Variants in KIF2A observed in about 807,000 individuals in gnomAD.
KIF2A encodes the protein kinesin-like protein KIF2A.
Under a neutral mutation model 100.2 loss-of-function variants are expected in KIF2A, and 22 were observed. That is an observed-to-expected ratio of 0.22 (90% confidence interval 0.16 to 0.31). KIF2A has a LOEUF of 0.31. Among genes scored for constraint, KIF2A ranks in the 10% least tolerant of loss-of-function variants. KIF2A has a pLI of 1.00. For missense variants in KIF2A, 495 were observed against 898.7 expected (o/e 0.55, Z 5.74); for synonymous variants, 268 against 285.9 (o/e 0.94, Z 0.63).
intron 1 of KIF2A, among the ~76,000 whole-genome samples, chr5:62,313,070 A>G (rs1398966654): frequency 6.6e-6 from 1 of 152,074 alleles, no homozygotes; most frequent in African/African-American, 2.4e-5. Context: ...GCTATATATC[A>G]GGCATTCTGA....
chr5:62,380,948 A>G (rs1208983828), intron 19 of KIF2A, among the ~76,000 whole-genome samples, 170 bp from the exon 20 acceptor site: 3 of 152,238 alleles, frequency 2.0e-5, no homozygotes, highest in Non-Finnish European at 2.9e-5. Flanking sequence ...ATGTTGTTCC[A>G]GAGTCAACTG....
chr5:62,339,921 G>A (rs896107702), intron 1 of KIF2A, among the ~76,000 whole-genome samples: 1 of 150,236 alleles, frequency 6.7e-6, no homozygotes, highest in Non-Finnish European at 1.5e-5. Flanking sequence ...AAATATCTGG[G>A]TAGTTACTTT....
chr5:62,321,200 A>G (rs1346725946), intron 1 of KIF2A, among the ~76,000 whole-genome samples: 1 of 152,202 alleles, frequency 6.6e-6, no homozygotes, highest in South Asian at 2.1e-4. Context: ...TTTTTTGGCC[A>G]TTATGAATAC....
intron 18 of KIF2A, among the ~76,000 whole-genome samples, chr5:62,374,364 CAG>C (rs1156700342): frequency 1.3e-5 from 2 of 152,172 alleles, no homozygotes; most frequent in Non-Finnish European, 2.9e-5. Context: ...ACAGCAGTAA[CAG>C]AGACTGTTTG....
intron 1 of KIF2A, chr5:62,308,176 C>A: frequency 2.9e-6 from 1 of 341,136 alleles, no homozygotes; most frequent in Non-Finnish European, 5.4e-6. Context: ...ATAAATTATA[C>A]CGCTTAGAGC....
chr5:62,367,439 G>A lies in KIF2A; in HGVS notation c.1646+958G>A, dbSNP rs1741128383. On this transcript the variant is annotated intron_variant, in intron 16 of 20. Coordinates refer to ENST00000407818, the MANE Select transcript of KIF2A (RefSeq NM_001098511.3). The stretch of plus-strand genomic sequence containing the variant: ...GTACCACCATACCCGGCTAATTTTT[G>A]TATTTTTAGTAGAGGCAGGGTTTCA... 2.0e-5 allele frequency among the ~76,000 whole-genome samples: 3 copies of A among 152,084 alleles called. 1 individual carries two copies. In the South Asian group the frequency reaches 6.2e-4, roughly 32 times the overall value.
intron 19 of KIF2A, among the ~76,000 whole-genome samples, chr5:62,378,323 TA>T (rs1424995624): frequency 6.6e-6 from 1 of 152,158 alleles, no homozygotes; most frequent in Non-Finnish European, 1.5e-5. Context: ...CCCCTTTTTT[TA>T]AACAAGAAAA....
At chr5:62,336,461 G>A (rs1277159087) in intron 1 of KIF2A, among the ~76,000 whole-genome samples, 1 of 152,162 alleles carries the variant, frequency 6.6e-6, no homozygotes, top group African/African-American at 2.4e-5. Context: ...GTTCTGATTG[G>A]TCAGTTATCT....
At chr5:62,382,634 GTT>G (rs35714674) in intron 20 of KIF2A, among the ~76,000 whole-genome samples, 5 of 134,776 alleles carry the variant, frequency 3.7e-5, no homozygotes, top group Admixed American at 7.6e-5. Flanking sequence ...CAGGTTTCAG[GTT>G]TTTTTTTTTT....
intron 14 of KIF2A, among the ~76,000 whole-genome samples, chr5:62,364,321 T>C (rs367588734): frequency 3.3e-5 from 5 of 152,162 alleles, no homozygotes; most frequent in East Asian, 1.9e-4. Context: ...CTAATTTTTG[T>C]ATTTTTAGTA....
chr5:62,378,658 C>T (rs1021380968), intron 19 of KIF2A, among the ~76,000 whole-genome samples: 17 of 152,222 alleles, frequency 1.1e-4, no homozygotes, highest in African/African-American at 4.1e-4. Context: ...TGGCTCATGC[C>T]TGTAATACCA....
intron 1 of KIF2A, among the ~76,000 whole-genome samples, chr5:62,323,401 T>C (rs1746207817): frequency 6.6e-6 from 1 of 151,888 alleles, no homozygotes. Flanking sequence ...CGGGCGCCTG[T>C]AGTCCTAGCT....
chr5:62,323,210 C>A (rs1209638395), intron 1 of KIF2A, among the ~76,000 whole-genome samples: 2 of 150,182 alleles, frequency 1.3e-5, no homozygotes, highest in Non-Finnish European at 3.0e-5. Flanking sequence ...GAGCCAAGAT[C>A]ACGCCATTGC....
chr5:62,370,197 T>G (rs1030769669), intron 16 of KIF2A, among the ~76,000 whole-genome samples: 4 of 152,220 alleles, frequency 2.6e-5, no homozygotes, highest in African/African-American at 9.6e-5. Flanking sequence ...GAAAGTTTTA[T>G]ATGGGAATTG....
chr5:62,373,057 GAA>G (rs541009402), intron 17 of KIF2A, among the ~76,000 whole-genome samples: 1 of 136,786 alleles, frequency 7.3e-6, no homozygotes, highest in Non-Finnish European at 1.6e-5. Context: ...GCCAAGTGGT[GAA>G]AAAAAAAAAA....
At chr5:62,347,910 C>T (rs902402979) in intron 2 of KIF2A, 138 bp from the exon 3 acceptor site, 1 of 836,984 alleles carries the variant, frequency 1.2e-6, no homozygotes, top group African/African-American at 1.7e-5. Context: ...AGGCATGAGC[C>T]ACTGCACCCA....
At chr5:62,308,308 G>T in intron 1 of KIF2A, 2 of 1,377,050 alleles carry the variant, frequency 1.5e-6, no homozygotes, top group Non-Finnish European at 9.4e-7. Context: ...CATTTTTTTA[G>T]GTAAATACGA....
chr5:62,336,632 G>C (rs1746966628), intron 1 of KIF2A, among the ~76,000 whole-genome samples: 1 of 152,176 alleles, frequency 6.6e-6, no homozygotes, highest in African/African-American at 2.4e-5. Context: ...GTAAGATGCT[G>C]CTAAAACAGT....
Position 62,363,288 on chromosome 5 carries a change from A to G in KIF2A, c.1230A>G (p.Val410=). 6.2e-7 allele frequency: 1 copy of G among 1,613,406 alleles called. No homozygotes were observed. The highest frequency in any genetic ancestry group is 8.5e-7 in the Non-Finnish European group (1 of 1,179,638). Residue 410 remains valine, a synonymous_variant, in exon 13 of 21, where the codon GTA becomes GTG. Transcript: ENST00000407818. ...GGGAGGTCAAATGTGTTGAAGATGT[A>G]CTGAAACTCATTGACATAGGCAACA... The part of the protein sequence containing the change: ...QEREVKCVED[V]LKLIDIGNSC...
Sources: gnomAD v4.1 joint callset for allele counts (sites outside exome capture counted in the v4.1 genomes callset) on GRCh38, gnomAD v4.1.1 for gene constraint, MANE v1.5 for transcripts, NCBI Gene and HGNC (gene_info 2026-07-23, HGNC 2026-07-21) for gene names.